The following AMBRA1 variants were observed in gnomAD, a reference collection of about 807,000 sequenced individuals.
AMBRA1 encodes the protein autophagy and beclin 1 regulator 1.
AMBRA1 carries 47 observed loss-of-function variants against 125.4 expected under a neutral mutation model. The observed-to-expected ratio is 0.37, with a 90% CI of 0.30 to 0.48. The LOEUF (loss-of-function observed/expected upper bound fraction) is 0.48. Among genes scored for constraint, AMBRA1 ranks in the 20% least tolerant of loss-of-function variants. The pLI is 0.99. For synonymous variants in AMBRA1, 626 were observed against 655.5 expected, an observed-to-expected ratio of 0.95 and a Z score of 0.69; for missense variants, 1,331 against 1,693.4, an observed-to-expected ratio of 0.79 and a Z score of 3.76.
intron 7 of AMBRA1, 106 bp from the exon 8 acceptor site, chr11:46,512,919 C>T: frequency 1.0e-6 from 1 of 953,204 alleles, no homozygotes; most frequent in Non-Finnish European, 1.5e-6. Context: ...CTTTTGCAGC[C>T]AGCTAACGCC....
intron 7 of AMBRA1, among the ~76,000 whole-genome samples, chr11:46,529,499 G>T (rs1250037011): frequency 6.6e-6 from 1 of 152,186 alleles, no homozygotes; most frequent in Non-Finnish European, 1.5e-5. Flanking sequence ...GAGCCAAGTG[G>T]TAGGGCACTT....
At chr11:46,541,779 ATC>A (rs1952756179) in intron 7 of AMBRA1, among the ~76,000 whole-genome samples, 164 bp downstream of exon 7, 1 of 152,240 alleles carries the variant, frequency 6.6e-6, no homozygotes, top group African/African-American at 2.4e-5. Context: ...GCCCTATCCT[ATC>A]TCTGCCACCA....
chr11:46,463,748 T>A (rs1243790443), intron 11 of AMBRA1, among the ~76,000 whole-genome samples: 1 of 152,210 alleles, frequency 6.6e-6, no homozygotes, highest in East Asian at 1.9e-4. Flanking sequence ...AGCACAGTAC[T>A]CGGGGCCCTA....
chr11:46,558,486 T>C (rs1287143830), intron 1 of AMBRA1, among the ~76,000 whole-genome samples: 2 of 141,396 alleles, frequency 1.4e-5, no homozygotes, highest in African/African-American at 2.7e-5. Context: ...GAGGTGGAGG[T>C]TGCAATGAGC....
At chr11:46,531,199 GA>G (rs1174050685) in intron 7 of AMBRA1, among the ~76,000 whole-genome samples, 2 of 152,050 alleles carry the variant, frequency 1.3e-5, no homozygotes, top group African/African-American at 4.8e-5. Context: ...CACTCATTTA[GA>G]TATTGTTTGT....
At chr11:46,464,772 C>T (rs887695950) in intron 11 of AMBRA1, among the ~76,000 whole-genome samples, 1 of 151,850 alleles carries the variant, frequency 6.6e-6, no homozygotes, top group Non-Finnish European at 1.5e-5. Context: ...CAAGGCCGGG[C>T]GCAGTGGCTC....
At chr11:46,515,602 T>A (rs1951442635) in intron 7 of AMBRA1, among the ~76,000 whole-genome samples, 1 of 152,266 alleles carries the variant, frequency 6.6e-6, no homozygotes, top group African/African-American at 2.4e-5. Context: ...TGAGATGATT[T>A]ATTAGGAATG....
intron 3 of AMBRA1, 84 bp downstream of exon 3, chr11:46,547,733 G>C (rs2042869483): frequency 7.4e-7 from 1 of 1,342,418 alleles, no homozygotes. Flanking sequence ...AGACTTTAGG[G>C]ACTGACTTGG....
chr11:46,564,402 A>G (rs73449956), intron 1 of AMBRA1, among the ~76,000 whole-genome samples: 1,783 of 152,258 alleles, frequency 0.012, 44 homozygotes, highest in African/African-American at 0.041. Flanking sequence ...CAATGATACT[A>G]TGAAGATGGG....
intron 14 of AMBRA1, among the ~76,000 whole-genome samples, chr11:46,432,186 A>G (rs74816158): frequency 0.044 from 6,635 of 152,268 alleles, 486 homozygotes; most frequent in African/African-American, 0.15. Flanking sequence ...AGAGAGTGAC[A>G]TGGAAACAAA....
In AMBRA1 at chr11:46,528,786, C is replaced by T. The variant is rs544735672; in HGVS notation, c.2072+13159G>A. Among the ~76,000 whole-genome samples, 6 of 152,114 alleles carry T rather than the reference C, an allele frequency of 3.9e-5. No homozygotes were observed. In the South Asian group the frequency reaches 1.2e-3, roughly 32 times the overall value. On this transcript the variant is annotated intron_variant, in intron 7 of 17. Coordinates refer to ENST00000683756, the MANE Select transcript of AMBRA1 (RefSeq NM_001387011.1). ...GTTTTCTATCACAGACACACGTACA[C>T]GAAGATAAAAAGGGTTACATGTGCC... is the stretch of plus-strand genomic sequence containing the variant.
chr11:46,485,028 C>T (rs1950217530), intron 11 of AMBRA1, among the ~76,000 whole-genome samples: 1 of 151,802 alleles, frequency 6.6e-6, no homozygotes, highest in African/African-American at 2.4e-5. Context: ...ACCTTTGCCT[C>T]CCGGGTTCAA....
At chr11:46,567,731 T>A (rs576048332) in intron 1 of AMBRA1, among the ~76,000 whole-genome samples, 2 of 152,134 alleles carry the variant, frequency 1.3e-5, no homozygotes, top group South Asian at 2.1e-4. Context: ...GCGATTCCTC[T>A]GTAGCCCCTA....
intron 7 of AMBRA1, among the ~76,000 whole-genome samples, chr11:46,533,770 G>A (rs1369420018): frequency 6.6e-6 from 1 of 151,972 alleles, no homozygotes. Flanking sequence ...CACTTCTGAT[G>A]GTTTCCCAAG....
At chr11:46,590,234 G>A (rs1467401266) in intron 1 of AMBRA1, among the ~76,000 whole-genome samples, 7 of 151,852 alleles carry the variant, frequency 4.6e-5, no homozygotes, top group African/African-American at 9.7e-5. Flanking sequence ...AGCTGGGTGC[G>A]GTGGTGCGCA....
Position 46,435,766 on chromosome 11 carries a change from G to C in AMBRA1, c.2633-729C>G, listed in dbSNP as rs1947685866. Among the ~76,000 whole-genome samples, 10 of 152,242 alleles carry C rather than the reference G, an allele frequency of 6.6e-5. No homozygotes were observed. The South Asian group carries it at 2.1e-3, about 32-fold the overall frequency. On this transcript the variant is annotated intron_variant, in intron 12 of 17. Coordinates refer to ENST00000683756, the MANE Select transcript of AMBRA1 (RefSeq NM_001387011.1). ...AACTGCAGGGTCAGGCAGGCAGCAG[G>C]CTCAGCCTGGTAAGGTGGCAAGATC...
At chr11:46,531,892 C>T (rs1055496922) in intron 7 of AMBRA1, among the ~76,000 whole-genome samples, 1 of 152,044 alleles carries the variant, frequency 6.6e-6, no homozygotes, top group African/African-American at 2.4e-5. Flanking sequence ...CCAAGGGCAG[C>T]GGATCACTTG....
At chr11:46,422,688 C>G (rs908599138) in intron 14 of AMBRA1, among the ~76,000 whole-genome samples, 1 of 151,994 alleles carries the variant, frequency 6.6e-6, no homozygotes, top group Non-Finnish European at 1.5e-5. Flanking sequence ...TTTTCCCCTA[C>G]TGCATGCCAA....
chr11:46,537,480 T>C lies in AMBRA1; in HGVS notation c.2072+4465A>G, dbSNP rs557028998. 2.6e-5 allele frequency among the ~76,000 whole-genome samples: 4 copies of C among 152,298 alleles called. No homozygotes were observed. The South Asian group carries it at 8.3e-4, about 32-fold the overall frequency. On this transcript the variant is annotated intron_variant, in intron 7 of 17. Coordinates refer to ENST00000683756, the MANE Select transcript of AMBRA1 (RefSeq NM_001387011.1). Reference sequence around the variant, plus strand: ...ACTTGCCATTGAAACCATTTTCTTTTTCCTAGTACCAGTTTTTAAAGGCCA... The same window carrying C: ...ACTTGCCATTGAAACCATTTTCTTTCTCCTAGTACCAGTTTTTAAAGGCCA...
Sources: allele counts gnomAD v4.1 joint callset (sites outside exome capture counted in the v4.1 genomes callset), GRCh38; gene constraint gnomAD v4.1.1; transcripts MANE v1.5; gene names NCBI Gene and HGNC (gene_info 2026-07-23, HGNC 2026-07-21).